PCDH9: variants seen among roughly 807,000 people sequenced by gnomAD.
The protein encoded by PCDH9 is protocadherin 9, also known as protocadherin-9.
A neutral mutation model predicts 70.6 loss-of-function variants in PCDH9; 24 were observed. The observed-to-expected ratio is 0.34, with a 90% CI of 0.25 to 0.48. The LOEUF is 0.48. Ranked by LOEUF, PCDH9 falls within the 20% of genes least tolerant of loss-of-function variation. The pLI, the probability that PCDH9 is intolerant of heterozygous loss-of-function variation, is 0.99. For missense variants in PCDH9, 1,281 were observed against 1,503.6 expected (o/e 0.85, Z 2.45); for synonymous variants, 562 against 558.5 (o/e 1.01, Z -0.09).
intron 4 of PCDH9, among the ~76,000 whole-genome samples, chr13:66,517,555 A>G (rs1317028702): frequency 6.6e-6 from 1 of 152,180 alleles, no homozygotes; most frequent in Non-Finnish European, 1.5e-5. Context: ...AGAGCCTCTT[A>G]AAAGCTCATG....
intron 4 of PCDH9, among the ~76,000 whole-genome samples, chr13:66,326,987 GTT>G (rs1399196833): frequency 1.3e-5 from 2 of 151,144 alleles, no homozygotes; most frequent in Admixed American, 1.3e-4. Flanking sequence ...AGGGTTTTTT[GTT>G]TTTCTTTTTT....
intron 3 of PCDH9, among the ~76,000 whole-genome samples, chr13:66,847,960 T>A (rs908453318): frequency 6.6e-6 from 1 of 152,164 alleles, no homozygotes; most frequent in Admixed American, 6.5e-5. Context: ...GAAAGGGAAA[T>A]CTTTTATAAG....
At chr13:66,755,895 C>A (rs1248406692) in intron 3 of PCDH9, among the ~76,000 whole-genome samples, 1 of 152,122 alleles carries the variant, frequency 6.6e-6, no homozygotes, top group Admixed American at 6.5e-5. Context: ...GTCCAGATGG[C>A]GATAGATCAG....
chr13:66,623,217 A>T (rs1015004045), intron 4 of PCDH9, among the ~76,000 whole-genome samples: 15 of 152,258 alleles, frequency 9.9e-5, no homozygotes, highest in Admixed American at 4.6e-4. Context: ...CGACTATTTG[A>T]CCAACACATT....
chr13:66,650,242 G>A (rs568058872), intron 3 of PCDH9, among the ~76,000 whole-genome samples: 22 of 151,738 alleles, frequency 1.4e-4, no homozygotes, highest in Middle Eastern at 3.4e-3. Flanking sequence ...ATAAACACAC[G>A]TCACCTATAA....
At chr13:67,078,349 G>A (rs1443931243) in intron 2 of PCDH9, among the ~76,000 whole-genome samples, 2 of 152,092 alleles carry the variant, frequency 1.3e-5, no homozygotes, top group African/African-American at 4.8e-5. Flanking sequence ...TCTTTTGTAA[G>A]TGTGAAACCC....
chr13:66,494,236 T>C (rs1423104752), intron 4 of PCDH9, among the ~76,000 whole-genome samples: 1 of 152,154 alleles, frequency 6.6e-6, no homozygotes, highest in Non-Finnish European at 1.5e-5. Flanking sequence ...GGATTTTCTA[T>C]GCTTTTAAGA....
chr13:66,358,104 T>C (rs1047861917), intron 4 of PCDH9, among the ~76,000 whole-genome samples: 2 of 152,040 alleles, frequency 1.3e-5, no homozygotes, highest in African/African-American at 4.8e-5. Flanking sequence ...TTAAATTGTC[T>C]GCCAAAATTC....
intron 2 of PCDH9, among the ~76,000 whole-genome samples, chr13:66,994,935 C>T (rs952168779): frequency 6.6e-6 from 1 of 152,070 alleles, no homozygotes; most frequent in Non-Finnish European, 1.5e-5. Context: ...ACCTTTTAAA[C>T]GGGCTTAAGT....
intron 4 of PCDH9, among the ~76,000 whole-genome samples, chr13:66,577,469 CTATATT>C (rs1685995954): frequency 6.6e-6 from 1 of 151,756 alleles, no homozygotes; most frequent in African/African-American, 2.4e-5. Context: ...TATATGAACT[CTATATT>C]TGGAGCACAA....
intron 3 of PCDH9, among the ~76,000 whole-genome samples, chr13:66,831,901 GA>G (rs1311181098): frequency 6.6e-6 from 1 of 151,892 alleles, no homozygotes; most frequent in Admixed American, 6.6e-5. Flanking sequence ...AAAAACTGTG[GA>G]AAAAAAAGTG....
intron 4 of PCDH9, among the ~76,000 whole-genome samples, chr13:66,412,602 G>T (rs2138326752): frequency 6.6e-6 from 1 of 152,170 alleles, no homozygotes; most frequent in Non-Finnish European, 1.5e-5. Context: ...TTTCCCCTCA[G>T]TGGTAATAGA....
chr13:66,810,590 G>A (rs897961750), intron 3 of PCDH9, among the ~76,000 whole-genome samples: 4 of 151,816 alleles, frequency 2.6e-5, no homozygotes, highest in Non-Finnish European at 5.9e-5. Context: ...ATACAACAGT[G>A]AGCACCTAAG....
chr13:66,783,105 G>A (rs1017960225), intron 3 of PCDH9, among the ~76,000 whole-genome samples: 9 of 151,996 alleles, frequency 5.9e-5, no homozygotes, highest in Non-Finnish European at 8.8e-5. Context: ...ATGCTACTTC[G>A]TCTTTTTTAT....
At chr13:66,322,446 T>C (rs2138092190) in intron 4 of PCDH9, among the ~76,000 whole-genome samples, 1 of 152,086 alleles carries the variant, frequency 6.6e-6, no homozygotes, top group Non-Finnish European at 1.5e-5. Flanking sequence ...CACTAAGGGA[T>C]CTTTAGGGAC....
intron 4 of PCDH9, among the ~76,000 whole-genome samples, chr13:66,359,626 A>G (rs1475602209): frequency 1.3e-5 from 2 of 152,056 alleles, no homozygotes; most frequent in African/African-American, 4.8e-5. Flanking sequence ...ATTACATTCT[A>G]GGAGAAACAT....
At chr13:67,175,758 A>G (rs929997140) in intron 2 of PCDH9, among the ~76,000 whole-genome samples, 3 of 152,152 alleles carry the variant, frequency 2.0e-5, no homozygotes, top group African/African-American at 7.2e-5. Flanking sequence ...GTCTAAACTC[A>G]CCTAAAACTC....
intron 3 of PCDH9, 114 bp from the exon 4 acceptor site, chr13:66,631,525 A>C: frequency 1.6e-6 from 1 of 630,600 alleles, no homozygotes. Flanking sequence ...AAGCAAAATA[A>C]ACCAAACTAG....
intron 3 of PCDH9, among the ~76,000 whole-genome samples, chr13:66,865,844 T>C (rs2081565245): frequency 6.6e-6 from 1 of 152,224 alleles, no homozygotes; most frequent in Admixed American, 6.5e-5. Flanking sequence ...AGTTGTCAAG[T>C]TTTTTGAAAA....
Sources: allele counts gnomAD v4.1 joint callset (sites outside exome capture counted in the v4.1 genomes callset), GRCh38; gene constraint gnomAD v4.1.1; transcripts MANE v1.5; gene names NCBI Gene and HGNC (gene_info 2026-07-23, HGNC 2026-07-21).